CDK14: variants seen among roughly 807,000 people sequenced by gnomAD.
The protein encoded by CDK14 is cyclin-dependent kinase 14.
CDK14 carries 34 observed loss-of-function variants against 60.7 expected under a neutral mutation model. The observed-to-expected ratio is 0.56, with a 90% CI of 0.43 to 0.75. The LOEUF (loss-of-function observed/expected upper bound fraction) is 0.75. Among genes scored for constraint, CDK14 ranks in the 30% least tolerant of loss-of-function variants. CDK14 has a pLI of 0.00. For synonymous variants in CDK14, 197 were observed against 203.7 expected (o/e 0.97, Z 0.28); for missense variants, 482 against 564.1 (o/e 0.85, Z 1.47).
intron 8 of CDK14, among the ~76,000 whole-genome samples, chr7:90,935,907 TGTG>T (rs1793737542): frequency 6.6e-6 from 1 of 151,998 alleles, no homozygotes; most frequent in South Asian, 2.1e-4. Flanking sequence ...ATTAGCCACA[TGTG>T]GTGACGTGCA....
rs190978651 is a variant in CDK14 at position 90,720,965 on chromosome 7, T to G, written c.124-5602T>G. On this transcript the variant is annotated intron_variant, in intron 2 of 14. Coordinates refer to ENST00000380050, the MANE Select transcript of CDK14 (RefSeq NM_001287135.2). ...TGGCAGTTAAGCTGAGTTTTCTTTT[T>G]AAGGGTTAAATTTCATATGTATTAT... 1.4e-4 allele frequency among the ~76,000 whole-genome samples: 21 copies of G among 152,338 alleles called. No individual in the cohort carries two copies. In the East Asian group the frequency reaches 3.5e-3, roughly 25 times the overall value.
At chr7:90,642,183 C>G (rs528486240) in intron 2 of CDK14, among the ~76,000 whole-genome samples, 1 of 152,082 alleles carries the variant, frequency 6.6e-6, no homozygotes, top group South Asian at 2.1e-4. Flanking sequence ...ATACCTCAAG[C>G]GGTTTAAAGA....
chr7:90,776,968 C>T lies in CDK14; in HGVS notation c.465-13605C>T, dbSNP rs551168491. On this transcript the variant is annotated intron_variant, in intron 4 of 14. Coordinates refer to ENST00000380050, the MANE Select transcript of CDK14 (RefSeq NM_001287135.2). ...CCCTTCTCTAATGAAAATACTGTTC[C>T]GATGGTTTCTCAACAATTAGAAAGC... Among the ~76,000 whole-genome samples, 23 of 151,368 alleles carry T rather than the reference C, an allele frequency of 1.5e-4. No homozygotes were observed. In the South Asian group the frequency reaches 2.1e-3, roughly 14 times the overall value.
intron 14 of CDK14, among the ~76,000 whole-genome samples, chr7:91,159,106 G>C (rs1002568057): frequency 6.6e-6 from 1 of 152,170 alleles, no homozygotes; most frequent in African/African-American, 2.4e-5. Flanking sequence ...AAACAGCACT[G>C]TTTGGGCAAA....
At chr7:90,761,547 G>T (rs1804311358) in intron 4 of CDK14, among the ~76,000 whole-genome samples, 1 of 152,104 alleles carries the variant, frequency 6.6e-6, no homozygotes, top group African/African-American at 2.4e-5. Context: ...TAGGGAAGGA[G>T]CATTTCTAGT....
At chr7:90,870,502 A>T (rs534207271) in intron 6 of CDK14, among the ~76,000 whole-genome samples, 3 of 152,338 alleles carry the variant, frequency 2.0e-5, no homozygotes, top group Admixed American at 1.3e-4. Flanking sequence ...ATAAAAGTTT[A>T]AAAAAATTCA....
At chr7:90,864,467 C>T (rs1791109882) in intron 6 of CDK14, among the ~76,000 whole-genome samples, 1 of 152,066 alleles carries the variant, frequency 6.6e-6, no homozygotes, top group Non-Finnish European at 1.5e-5. Context: ...TTACATATTT[C>T]AGTTAAATCT....
intron 13 of CDK14, among the ~76,000 whole-genome samples, chr7:91,114,276 A>G (rs1799548293): frequency 6.6e-6 from 1 of 152,136 alleles, no homozygotes; most frequent in Non-Finnish European, 1.5e-5. Flanking sequence ...ATATGGACTT[A>G]TTACCCACTT....
chr7:90,985,867 A>G (rs1230042170), intron 10 of CDK14, among the ~76,000 whole-genome samples: 1 of 152,098 alleles, frequency 6.6e-6, no homozygotes, highest in African/African-American at 2.4e-5. Context: ...CTTCCTTTCA[A>G]TTTTATTTTA....
At chr7:90,991,546 T>C (rs1457858775) in intron 10 of CDK14, among the ~76,000 whole-genome samples, 1 of 152,078 alleles carries the variant, frequency 6.6e-6, no homozygotes, top group Non-Finnish European at 1.5e-5. Context: ...TCAGCTCAGG[T>C]CTGTTCAGCG....
intron 5 of CDK14, among the ~76,000 whole-genome samples, chr7:90,793,098 CTG>C (rs1270761067): frequency 1.4e-5 from 2 of 146,060 alleles, no homozygotes; most frequent in Non-Finnish European, 3.1e-5. Flanking sequence ...TCTTTCCACT[CTG>C]TATATAATCT....
At chr7:90,659,109 C>T (rs1474990746) in intron 2 of CDK14, among the ~76,000 whole-genome samples, 3 of 152,180 alleles carry the variant, frequency 2.0e-5, no homozygotes, top group African/African-American at 7.2e-5. Flanking sequence ...GAATGCATGA[C>T]AGTCTTTCCT....
intron 2 of CDK14, among the ~76,000 whole-genome samples, chr7:90,635,374 C>T (rs573621147): frequency 6.6e-6 from 1 of 152,278 alleles, no homozygotes; most frequent in African/African-American, 2.4e-5. Flanking sequence ...TTCCCAACAC[C>T]ATTTATTAAA....
At chr7:91,161,934 C>A (rs1801177541) in intron 14 of CDK14, among the ~76,000 whole-genome samples, 1 of 152,164 alleles carries the variant, frequency 6.6e-6, no homozygotes, top group East Asian at 1.9e-4. Context: ...AATTTAAGTA[C>A]ATTTTTAATA....
intron 8 of CDK14, among the ~76,000 whole-genome samples, chr7:90,938,787 C>T (rs1043012268): frequency 1.3e-5 from 2 of 152,030 alleles, no homozygotes; most frequent in East Asian, 3.8e-4. Flanking sequence ...TTAAAAATTC[C>T]ATGTGTGTTT....
In CDK14 at chr7:90,720,542, C is replaced by G. The variant is rs185902413; in HGVS notation, c.124-6025C>G. ...TTTCTATTTAAGCATTGTTTACTGA[C>G]CTAATTAAATTCCCTTAATGTCATA... On this transcript the variant is annotated intron_variant, in intron 2 of 14. Coordinates refer to ENST00000380050, the MANE Select transcript of CDK14 (RefSeq NM_001287135.2). 5.3e-5 allele frequency among the ~76,000 whole-genome samples: 8 copies of G among 152,172 alleles called. No homozygotes were observed. In the East Asian group the frequency reaches 1.3e-3, roughly 26 times the overall value.
chr7:91,074,149 C>G (rs1432372691), intron 11 of CDK14, among the ~76,000 whole-genome samples: 1 of 152,140 alleles, frequency 6.6e-6, no homozygotes, highest in African/African-American at 2.4e-5. Context: ...TCAAGTGGAC[C>G]TAATAGACAG....
intron 2 of CDK14, among the ~76,000 whole-genome samples, chr7:90,604,530 G>A (rs1799378659): frequency 6.6e-6 from 1 of 152,202 alleles, no homozygotes; most frequent in African/African-American, 2.4e-5. Context: ...GGTAGTGCTT[G>A]AGACACGCAG....
At chr7:91,189,773 A>G (rs1454211465) in intron 14 of CDK14, among the ~76,000 whole-genome samples, 1 of 152,220 alleles carries the variant, frequency 6.6e-6, no homozygotes, top group Non-Finnish European at 1.5e-5. Context: ...TACCTTATCA[A>G]AAATGTTCTA....
Sources: gnomAD v4.1 joint callset for allele counts (sites outside exome capture counted in the v4.1 genomes callset) on GRCh38, gnomAD v4.1.1 for gene constraint, MANE v1.5 for transcripts, NCBI Gene and HGNC (gene_info 2026-07-23, HGNC 2026-07-21) for gene names.